The following NLGN1 variants were observed in gnomAD, a reference collection of about 807,000 sequenced individuals.
NLGN1 encodes neuroligin 1, also known as neuroligin-1.
Under a neutral mutation model 65.5 loss-of-function variants are expected in NLGN1, and 12 were observed. That is an observed-to-expected ratio of 0.18 (90% CI 0.12 to 0.30). The LOEUF (loss-of-function observed/expected upper bound fraction) is 0.30. Ranked by LOEUF, NLGN1 falls within the 10% of genes least tolerant of loss-of-function variation. The pLI is 1.00. For synonymous variants in NLGN1, 350 were observed against 359.5 expected (o/e 0.97, Z 0.30); for missense variants, 750 against 1,007.1 (o/e 0.74, Z 3.46).
rs187414032 is a variant in NLGN1 at position 173,945,788 on chromosome 3, T to C, written c.646+137956T>C. Among the ~76,000 whole-genome samples, 14 of 152,348 alleles carry C rather than the reference T, an allele frequency of 9.2e-5. No individual in the cohort carries two copies. The East Asian group carries it at 2.5e-3, about 27-fold the overall frequency. On this transcript the variant is annotated intron_variant, in intron 4 of 6. Transcript: ENST00000457714. ...CCTACCTGGTTGCACAAGGGTTTGC[T>C]TCTTTCCTACTCTTCCTAATTAGCT... is the stretch of plus-strand genomic sequence containing the variant.
intron 4 of NLGN1, among the ~76,000 whole-genome samples, chr3:173,918,664 G>A (rs1407586148): frequency 5.3e-5 from 3 of 56,550 alleles, no homozygotes; most frequent in African/African-American, 1.7e-4. Flanking sequence ...ATACATATGT[G>A]TGTGTGTGTG....
chr3:174,119,858 C>T (rs1017584370), intron 4 of NLGN1, among the ~76,000 whole-genome samples: 2 of 152,148 alleles, frequency 1.3e-5, no homozygotes, highest in Non-Finnish European at 2.9e-5. Flanking sequence ...CTTATATACT[C>T]ATGGTGCAGT....
chr3:173,784,810 A>G (rs576188429), intron 3 of NLGN1, among the ~76,000 whole-genome samples: 66 of 152,354 alleles, frequency 4.3e-4, no homozygotes, highest in African/African-American at 1.5e-3. Context: ...ACATTTTAGA[A>G]GCACACATCT....
At chr3:173,416,304 T>A (rs540345651) in intron 1 of NLGN1, among the ~76,000 whole-genome samples, 2 of 152,302 alleles carry the variant, frequency 1.3e-5, no homozygotes, top group African/African-American at 4.8e-5. Context: ...AAAATAGAGA[T>A]AATATCTTCC....
At chr3:173,519,135 A>C (rs1039876240) in intron 2 of NLGN1, among the ~76,000 whole-genome samples, 2 of 152,220 alleles carry the variant, frequency 1.3e-5, no homozygotes, top group Non-Finnish European at 2.9e-5. Context: ...ATAAGCCTGC[A>C]TGTGTGCAGA....
intron 2 of NLGN1, among the ~76,000 whole-genome samples, chr3:173,517,435 C>T (rs1733982427): frequency 1.3e-5 from 2 of 152,072 alleles, no homozygotes; most frequent in Non-Finnish European, 2.9e-5. Flanking sequence ...CTCTCTCTTA[C>T]TCCTCAACCA....
chr3:173,533,099 A>C lies in NLGN1; in HGVS notation c.-320-71180A>C, dbSNP rs182614191. Among the ~76,000 whole-genome samples the C allele has an allele frequency of 7.9e-4, 120 of 152,320 alleles. 1 individual carries two copies. Among genetic ancestry groups the C allele is most frequent in the Non-Finnish European group, 7.3e-5 (5 of 68,032 alleles). The stretch of plus-strand genomic sequence containing the variant: ...TATTTTGGCAATCATACCATTATTT[A>C]TTCTAGCATAATGGTAATTATTAGA... On this transcript the variant is annotated intron_variant, in intron 2 of 6. Transcript: ENST00000457714.
At chr3:173,515,002 T>A (rs1733594616) in intron 2 of NLGN1, among the ~76,000 whole-genome samples, 1 of 152,208 alleles carries the variant, frequency 6.6e-6, no homozygotes, top group South Asian at 2.1e-4. Flanking sequence ...CTAGTTTCAA[T>A]TCTTTTGGAT....
At chr3:174,222,269 C>T (rs1191316526) in intron 4 of NLGN1, among the ~76,000 whole-genome samples, 1 of 151,270 alleles carries the variant, frequency 6.6e-6, no homozygotes, top group African/African-American at 2.4e-5. Context: ...TTACCTGAAA[C>T]CTCTTAGATA....
At chr3:174,076,749 G>T (rs1329321889) in intron 4 of NLGN1, among the ~76,000 whole-genome samples, 1 of 151,762 alleles carries the variant, frequency 6.6e-6, no homozygotes, top group Non-Finnish European at 1.5e-5. Flanking sequence ...GTGTGTGTGT[G>T]TGTGTGTGTG....
intron 4 of NLGN1, among the ~76,000 whole-genome samples, chr3:173,972,381 G>A (rs1243872550): frequency 1.3e-5 from 2 of 152,140 alleles, no homozygotes; most frequent in Non-Finnish European, 2.9e-5. Flanking sequence ...AGACTGCTTA[G>A]AGCTCTACAA....
At chr3:173,695,062 G>C (rs1766010314) in intron 3 of NLGN1, among the ~76,000 whole-genome samples, 1 of 152,054 alleles carries the variant, frequency 6.6e-6, no homozygotes, top group Non-Finnish European at 1.5e-5. Context: ...TATATATGTT[G>C]AGCCTGACAG....
At chr3:173,918,329 A>G (rs563876989) in intron 4 of NLGN1, among the ~76,000 whole-genome samples, 1 of 152,198 alleles carries the variant, frequency 6.6e-6, no homozygotes, top group Non-Finnish European at 1.5e-5. Context: ...GGTATCAAAC[A>G]CCGGAATTTT....
At position 173,695,738 on chromosome 3, in the gene NLGN1, T is replaced by G. The variant is rs143095983; in HGVS notation, c.493+90647T>G. Among the ~76,000 whole-genome samples, 515 of 152,286 alleles carry G rather than the reference T, an allele frequency of 3.4e-3. 1 individual carries two copies. Among genetic ancestry groups the G allele is most frequent in the African/African-American group, 0.012 (495 of 41,550 alleles). On this transcript the variant is annotated intron_variant, in intron 3 of 6. Coordinates refer to ENST00000457714, the Ensembl canonical transcript of NLGN1. ...ATAACTCAACCTTATTACGATCACT[T>G]CTTGAAATAAAACTTTGCACAATTT...
chr3:173,685,764 G>A (rs1000749689), intron 3 of NLGN1: 1 of 985,234 alleles, frequency 1.0e-6, no homozygotes, highest in Non-Finnish European at 1.2e-6. Context: ...CATGTGCTGG[G>A]GCTTTTTGTA....
intron 3 of NLGN1, chr3:173,685,552 T>A: frequency 1.4e-6 from 1 of 697,826 alleles, no homozygotes; most frequent in Non-Finnish European, 1.8e-6. Flanking sequence ...GAACAAGGGC[T>A]GCCAGGCAGT....
chr3:173,519,676 C>G (rs1161126844), intron 2 of NLGN1, among the ~76,000 whole-genome samples: 1 of 151,888 alleles, frequency 6.6e-6, no homozygotes, highest in East Asian at 1.9e-4. Context: ...TTACTGAATG[C>G]CTATATCCCC....
intron 4 of NLGN1, among the ~76,000 whole-genome samples, chr3:174,123,333 C>G (rs776109603): frequency 2.0e-5 from 3 of 152,092 alleles, no homozygotes; most frequent in African/African-American, 7.2e-5. Flanking sequence ...GCCCATGCAT[C>G]GTCTGTGGTT....
chr3:174,278,612 T>G (rs1009177020), intron 5 of NLGN1, among the ~76,000 whole-genome samples: 9 of 151,928 alleles, frequency 5.9e-5, no homozygotes, highest in Admixed American at 4.6e-4. Flanking sequence ...TCTTCTTGCC[T>G]ACTACCTCTT....
Sources: allele counts gnomAD v4.1 joint callset (sites outside exome capture counted in the v4.1 genomes callset), GRCh38; gene constraint gnomAD v4.1.1; transcripts MANE v1.5; gene names NCBI Gene and HGNC (gene_info 2026-07-23, HGNC 2026-07-21).